Variants in GJA8 observed in about 807,000 individuals in gnomAD.
GJA8 encodes gap junction alpha-8 protein.
GJA8 carries 13 observed loss-of-function variants against 15.3 expected under a neutral mutation model. The ratio of observed to expected loss-of-function variants is 0.85; its 90% confidence interval spans 0.55 to 1.35. GJA8 has a LOEUF of 1.35. GJA8 is among the 40% of genes most tolerant of loss of function. The pLI is 0.00. For synonymous variants in GJA8, 304 were observed against 238.7 expected (o/e 1.27, Z -2.52); for missense variants, 607 against 553.3 (o/e 1.10, Z -0.97).
downstream of GJA8, among the ~76,000 whole-genome samples, chr1:147,911,586 G>A (rs116572415): frequency 3.9e-3 from 589 of 152,246 alleles, 8 homozygotes; most frequent in African/African-American, 0.013. Context: ...CTTACCCCTA[G>A]CAAGCAACGT....
At chr1:147,913,478 C>T (rs144481226), downstream of GJA8, among the ~76,000 whole-genome samples, 20 of 152,290 alleles carry the variant, frequency 1.3e-4, no homozygotes, top group African/African-American at 3.8e-4. Flanking sequence ...TAAAGGTACT[C>T]GGCTTAGTAG....
chr1:147,911,698 C>T (rs1279343163), downstream of GJA8, among the ~76,000 whole-genome samples: 1 of 152,128 alleles, frequency 6.6e-6, no homozygotes, highest in African/African-American at 2.4e-5. Flanking sequence ...CACTATTGCT[C>T]CCATAGTTTT....
downstream of GJA8, among the ~76,000 whole-genome samples, chr1:147,913,478 C>A (rs144481226): frequency 6.6e-6 from 1 of 152,290 alleles, no homozygotes; most frequent in East Asian, 1.9e-4. Context: ...TAAAGGTACT[C>A]GGCTTAGTAG....
chr1:147,907,364 A>G (rs1171065162), intron 1 of GJA8, among the ~76,000 whole-genome samples: 1 of 152,320 alleles, frequency 6.6e-6, no homozygotes. Flanking sequence ...ATATAATGTC[A>G]AAGTTCTTTC....
In GJA8 at chr1:147,909,056, AG is replaced by A; in HGVS notation, c.1102del (p.Glu368ArgfsTer5). 6.2e-7 allele frequency: 1 copy of A among 1,603,188 alleles called. No homozygotes were observed. Among genetic ancestry groups the A allele is most frequent in the Non-Finnish European group, 8.5e-7 (1 of 1,174,558 alleles). Reference protein sequence around the residue: ...TEEQEKVAVPEGEKVETPGVD... With the variant: ...TEEQEKVAVPXGEKVETPGVD... Reference sequence around the variant, plus strand: ...AGGAGCAGGAGAAGGTGGCCGTGCCAGAGGGGGAGAAAGTAGAGACCCCCGG... The same window carrying A: ...AGGAGCAGGAGAAGGTGGCCGTGCCAAGGGGGAGAAAGTAGAGACCCCCGG... On this transcript the variant is annotated frameshift_variant, in exon 2 of 2. Coordinates refer to ENST00000369235, the MANE Select transcript of GJA8 (RefSeq NM_005267.5). LOFTEE classifies it high-confidence loss of function.
At chr1:147,906,828 G>A (rs782068261) in intron 1 of GJA8, among the ~76,000 whole-genome samples, 7 of 152,166 alleles carry the variant, frequency 4.6e-5, no homozygotes, top group Non-Finnish European at 8.8e-5. Flanking sequence ...CTGCTATTTA[G>A]CTGTCTAATC....
intron 1 of GJA8, among the ~76,000 whole-genome samples, chr1:147,906,387 G>A (rs1651799281): frequency 6.6e-6 from 1 of 152,224 alleles, no homozygotes; most frequent in East Asian, 1.9e-4. Flanking sequence ...GTTGCAGCCA[G>A]CCCCTTGTCA....
downstream of GJA8, among the ~76,000 whole-genome samples, chr1:147,912,882 T>C (rs1259053179): frequency 1.3e-5 from 2 of 149,428 alleles, no homozygotes; most frequent in African/African-American, 2.5e-5. Flanking sequence ...GGCCTAGTGT[T>C]TTGGGCATTA....
chr1:147,914,173 A>G (rs1302768420), downstream of GJA8, among the ~76,000 whole-genome samples: 1 of 152,210 alleles, frequency 6.6e-6, no homozygotes, highest in Non-Finnish European at 1.5e-5. Flanking sequence ...ATAGTCTCCA[A>G]CGCCACTGCT....
chr1:147,909,872 A>G (rs935358090), downstream of GJA8, among the ~76,000 whole-genome samples: 13 of 152,188 alleles, frequency 8.5e-5, no homozygotes, highest in African/African-American at 3.1e-4. Context: ...CAGAAATCCA[A>G]CCTTTTTTTT....
Position 147,908,639 on chromosome 1 carries a change from C to T in GJA8, c.684C>T (p.Gly228=). 6.2e-7 allele frequency: 1 copy of T among 1,614,064 alleles called. No homozygotes were observed. The highest frequency in any genetic ancestry group is 8.5e-7 in the Non-Finnish European group (1 of 1,179,992). The change falls in exon 2 of 2, where the codon GGC becomes GGT. Residue 228 remains glycine, a synonymous_variant. Coordinates refer to ENST00000369235, the MANE Select transcript of GJA8 (RefSeq NM_005267.5). ...FLNVMELGHL[G]LKGIRSALKR... ...ACGTGATGGAGTTGGGCCACCTGGG[C>T]CTGAAGGGGATCCGGTCTGCCTTGA...
At chr1:147,911,102 G>C (rs1271924652), downstream of GJA8, among the ~76,000 whole-genome samples, 5 of 152,116 alleles carry the variant, frequency 3.3e-5, no homozygotes, top group African/African-American at 1.2e-4. Flanking sequence ...CCAAAGATAG[G>C]GTAGGAGGTA....
chr1:147,907,854 A>G, intron 1 of GJA8, 91 bp from the exon 2 acceptor site: 1 of 894,170 alleles, frequency 1.1e-6, no homozygotes, highest in Admixed American at 1.7e-5. Flanking sequence ...GCAACTTGGA[A>G]AGGAGAGGTA....
downstream of GJA8, chr1:147,909,298 T>C: frequency 2.2e-6 from 3 of 1,363,194 alleles, no homozygotes; most frequent in Non-Finnish European, 3.1e-6. Context: ...CAAGCTTACG[T>C]AGGGCAAGAT....
At chr1:147,911,903 T>C (rs373274683), downstream of GJA8, among the ~76,000 whole-genome samples, 194 of 148,964 alleles carry the variant, frequency 1.3e-3, 5 homozygotes, top group South Asian at 0.039. Flanking sequence ...GACATAAGTG[T>C]GTGATAGAGC....
rs782758226 is a variant in GJA8 at position 147,907,940 on chromosome 1, T to C, written c.-11-5T>C. 5 of 1,607,312 alleles carry C rather than the reference T, an allele frequency of 3.1e-6. No homozygotes were observed. The highest frequency in any genetic ancestry group is 1.7e-4 in the Middle Eastern group (1 of 6,060). On this transcript the variant is annotated splice_polypyrimidine_tract_variant and splice_region_variant and intron_variant, in intron 1 of 1. Transcript: ENST00000369235. ...CAGCTCTTGCCTTCTCCCTCATTTC[T>C]TCAGGTGGGTGAGAAATGGGCGACT...
downstream of GJA8, among the ~76,000 whole-genome samples, chr1:147,913,943 G>T (rs1474368187): frequency 6.6e-6 from 1 of 152,060 alleles, no homozygotes; most frequent in Non-Finnish European, 1.5e-5. Context: ...TGCAATTATT[G>T]TATTATAACT....
chr1:147,912,258 A>G (rs968427387), downstream of GJA8, among the ~76,000 whole-genome samples: 1 of 152,172 alleles, frequency 6.6e-6, no homozygotes, highest in African/African-American at 2.4e-5. Context: ...GACTGGGAAG[A>G]AGGGCAGGTG....
At chr1:147,907,603 T>C (rs1314651312) in intron 1 of GJA8, among the ~76,000 whole-genome samples, 1 of 152,226 alleles carries the variant, frequency 6.6e-6, no homozygotes, top group Non-Finnish European at 1.5e-5. Flanking sequence ...CAAGGGTTTC[T>C]ATTTATGGTC....
Sources: gnomAD v4.1 joint callset for allele counts (sites outside exome capture counted in the v4.1 genomes callset) on GRCh38, gnomAD v4.1.1 for gene constraint, MANE v1.5 for transcripts, NCBI Gene and HGNC (gene_info 2026-07-23, HGNC 2026-07-21) for gene names.